APOBEC1: variants seen among roughly 807,000 people sequenced by gnomAD.
APOBEC1 encodes the protein C->U-editing enzyme APOBEC-1.
Under a neutral mutation model 26.3 loss-of-function variants are expected in APOBEC1, and 22 were observed. The ratio of observed to expected loss-of-function variants is 0.84; its 90% CI spans 0.60 to 1.19. The LOEUF is 1.19. Among genes scored for constraint, APOBEC1 ranks in the 50% most tolerant of loss-of-function variants. The pLI is 0.00. For synonymous variants in APOBEC1, 77 were observed against 95.3 expected, an observed-to-expected ratio of 0.81 and a Z score of 1.12; for missense variants, 253 against 289.0, an observed-to-expected ratio of 0.88 and a Z score of 0.90.
intron 3 of APOBEC1, among the ~76,000 whole-genome samples, chr12:7,652,122 G>A (rs1445761137): frequency 6.6e-6 from 1 of 151,878 alleles, no homozygotes; most frequent in East Asian, 1.9e-4. Flanking sequence ...GCACCTGGCC[G>A]GATTTTTAAA....
chr12:7,666,349 A>G (rs1427119043), upstream of APOBEC1, among the ~76,000 whole-genome samples: 1 of 151,184 alleles, frequency 6.6e-6, no homozygotes, highest in Non-Finnish European at 1.5e-5. Flanking sequence ...GCTGGAGTGC[A>G]ATGGCACAAT....
At chr12:7,663,417 A>G (rs1316084213) in intron 1 of APOBEC1, among the ~76,000 whole-genome samples, 1 of 152,116 alleles carries the variant, frequency 6.6e-6, no homozygotes, top group African/African-American at 2.4e-5. Flanking sequence ...GACCTGAAGA[A>G]CAAATCTCTT....
chr12:7,654,344 A>G (rs781757439), intron 2 of APOBEC1, among the ~76,000 whole-genome samples: 1 of 151,472 alleles, frequency 6.6e-6, no homozygotes, highest in South Asian at 2.1e-4. Context: ...GAGAAAAGGA[A>G]CAATAAAGAA....
At chr12:7,664,544 C>T (rs751351463) in intron 1 of APOBEC1, among the ~76,000 whole-genome samples, 2 of 152,310 alleles carry the variant, frequency 1.3e-5, no homozygotes, top group South Asian at 4.1e-4. Context: ...AGACACAAGT[C>T]TCTATAAAAG....
intron 4 of APOBEC1, 49 bp downstream of exon 4, chr12:7,650,974 G>C (rs1418277257): frequency 7.4e-7 from 1 of 1,358,026 alleles, no homozygotes; most frequent in Non-Finnish European, 1.0e-6. Context: ...GACCTTTGAA[G>C]AAGGATGCTT....
At chr12:7,651,684 C>CGTGGT (rs1299236118) in intron 3 of APOBEC1, among the ~76,000 whole-genome samples, 1 of 151,796 alleles carries the variant, frequency 6.6e-6, no homozygotes, top group African/African-American at 2.4e-5. Context: ...GCTCTGTCAC[C>CGTGGT]TAGGCCAGTG....
chr12:7,654,709 C>A, intron 1 of APOBEC1, 77 bp from the exon 2 acceptor site: 1 of 1,305,660 alleles, frequency 7.7e-7, no homozygotes, highest in South Asian at 1.2e-5. Flanking sequence ...CTCTATTATT[C>A]CAAACCTCCA....
chr12:7,651,062 C>T lies in APOBEC1; in HGVS notation c.522G>A (p.Trp174Ter). 1 of 1,614,138 alleles carries T rather than the reference C, an allele frequency of 6.2e-7. No individual in the cohort carries two copies. Among genetic ancestry groups the T allele is most frequent in the Non-Finnish European group, 8.5e-7 (1 of 1,179,986 alleles). Residue 174 changes from tryptophan to a stop codon, truncating the protein, a stop_gained, in exon 4 of 5, where the codon TGG becomes TGA. Coordinates refer to ENST00000229304, the MANE Select transcript of APOBEC1 (RefSeq NM_001644.5). LOFTEE classifies it low-confidence loss of function (END_TRUNC). ...EAHWPQYPPL[W>*]MMLYALELHC... is the part of the protein sequence containing the mutation. The stretch of plus-strand genomic sequence containing the variant: ...GCAGCTCCAGTGCGTACAACATCAT[C>T]CACAGAGGTGGGTATTGTGGCCAGT...
At chr12:7,660,045 C>T (rs1863782110) in intron 1 of APOBEC1, among the ~76,000 whole-genome samples, 1 of 152,068 alleles carries the variant, frequency 6.6e-6, no homozygotes, top group Non-Finnish European at 1.5e-5. Flanking sequence ...GTGGCTCACG[C>T]CTGTAATCCC....
rs148202921 is a variant in APOBEC1, at chr12:7,665,584, C to A, written c.16+273G>T. Among the ~76,000 whole-genome samples the A allele has an allele frequency of 4.1e-3, 624 of 152,240 alleles. 2 individuals carry two copies. Among genetic ancestry groups the A allele is most frequent in the African/African-American group, 0.014 (593 of 41,548 alleles). On this transcript the variant is annotated intron_variant, in intron 1 of 4. Coordinates refer to ENST00000229304, the MANE Select transcript of APOBEC1 (RefSeq NM_001644.5). ...AAGTGCTGGGATTACAGGTGTGAGC[C>A]ACAGCGCCTGGCTACTTAATTTTTT...
chr12:7,649,819 T>C (rs751306656), intron 4 of APOBEC1, 123 bp from the exon 5 acceptor site: 24 of 836,970 alleles, frequency 2.9e-5, no homozygotes, highest in East Asian at 2.0e-4. Flanking sequence ...TTTTTTTTTT[T>C]CCCAGACAGG....
chr12:7,652,408 C>T, intron 3 of APOBEC1, 30 bp downstream of exon 3: 1 of 1,580,066 alleles, frequency 6.3e-7, no homozygotes, highest in Non-Finnish European at 8.6e-7. Flanking sequence ...CTGTTGTAAA[C>T]AATGAAGTTT....
At chr12:7,657,365 A>G (rs1394459034) in intron 1 of APOBEC1, among the ~76,000 whole-genome samples, 1 of 152,112 alleles carries the variant, frequency 6.6e-6, no homozygotes, top group Non-Finnish European at 1.5e-5. Flanking sequence ...TTGCACCTTT[A>G]AGGCTGGAGA....
At chr12:7,652,387 A>G (rs1863655264) in intron 3 of APOBEC1, 51 bp downstream of exon 3, 1 of 1,519,116 alleles carries the variant, frequency 6.6e-7, no homozygotes, top group Non-Finnish European at 8.9e-7. Flanking sequence ...AACAGCTACT[A>G]TCACCACAGT....
At chr12:7,653,651 C>G (rs990658583) in intron 2 of APOBEC1, among the ~76,000 whole-genome samples, 1 of 152,038 alleles carries the variant, frequency 6.6e-6, no homozygotes, top group African/African-American at 2.4e-5. Flanking sequence ...CTATTTTACA[C>G]CTAGAGGTGC....
At chr12:7,663,910 G>A (rs1042731116) in intron 1 of APOBEC1, among the ~76,000 whole-genome samples, 1 of 151,848 alleles carries the variant, frequency 6.6e-6, no homozygotes, top group African/African-American at 2.4e-5. Flanking sequence ...AGGCTGGAGT[G>A]CAATGGCGCG....
intron 1 of APOBEC1, 131 bp from the exon 2 acceptor site, chr12:7,654,763 A>T (rs951940231): frequency 2.2e-6 from 2 of 896,284 alleles, no homozygotes; most frequent in Non-Finnish European, 3.6e-6. Context: ...TCATGGATTA[A>T]TTGTATTGGA....
At chr12:7,664,799 C>G (rs747391969) in intron 1 of APOBEC1, among the ~76,000 whole-genome samples, 2 of 151,612 alleles carry the variant, frequency 1.3e-5, no homozygotes, top group South Asian at 4.2e-4. Flanking sequence ...CCCAGCTACC[C>G]AGGAAGGTGA....
intron 3 of APOBEC1, 84 bp downstream of exon 3, chr12:7,652,354 G>T: frequency 7.7e-7 from 1 of 1,295,658 alleles, no homozygotes; most frequent in Non-Finnish European, 1.1e-6. Context: ...TCCAGCCTGG[G>T]CTAACCAATC....
Sources: gnomAD v4.1 joint callset for allele counts (sites outside exome capture counted in the v4.1 genomes callset) on GRCh38, gnomAD v4.1.1 for gene constraint, MANE v1.5 for transcripts, NCBI Gene and HGNC (gene_info 2026-07-23, HGNC 2026-07-21) for gene names.